CLASP1: variants seen among roughly 807,000 people sequenced by gnomAD.
CLASP1 encodes CLIP-associating protein 1.
Under a neutral mutation model 192.3 loss-of-function variants are expected in CLASP1, and 38 were observed. The observed-to-expected ratio is 0.20, with a 90% confidence interval of 0.15 to 0.26. The LOEUF (loss-of-function observed/expected upper bound fraction) is 0.26, where lower values mean the gene tolerates loss of function less well. Among genes scored for constraint, CLASP1 ranks in the 10% least tolerant of loss-of-function variants. The pLI, the probability that CLASP1 is intolerant of heterozygous loss-of-function variation, is 1.00. For missense variants in CLASP1, 1,433 were observed against 1,932.5 expected (o/e 0.74, Z 4.85); for synonymous variants, 691 against 712.8 (o/e 0.97, Z 0.49).
rs915939996 is a variant in CLASP1 at position 121,435,533 on chromosome 2, CAA to C, written c.1913-5358_1913-5357del. Among the ~76,000 whole-genome samples the C allele has an allele frequency of 1.6e-4, 24 of 152,336 alleles. 1 individual carries two copies. Among genetic ancestry groups the C allele is most frequent in the African/African-American group, 5.8e-4 (24 of 41,576 alleles). On this transcript the variant is annotated intron_variant, in intron 19 of 39. Coordinates refer to ENST00000263710, the Ensembl canonical transcript of CLASP1. ...AGGTGATCTGCCCGCCTCAGCCTCC[CAA>C]AGTGTTGGGATTACAGGCGTGAGCC...
intron 19 of CLASP1, among the ~76,000 whole-genome samples, chr2:121,443,400 G>A (rs1432817427): frequency 1.3e-5 from 2 of 152,106 alleles, no homozygotes; most frequent in African/African-American, 2.4e-5. Context: ...CCCATGTAAT[G>A]TCTTTGCTTT....
At chr2:121,430,160 G>A (rs1417988408) in exon 20 of CLASP1, 6 of 1,568,996 alleles carry the variant, frequency 3.8e-6, no homozygotes, top group Admixed American at 1.9e-5. Context: ...GAGCTTTGCC[G>A]TCTTGTGCGG....
intron 22 of CLASP1, among the ~76,000 whole-genome samples, chr2:121,423,692 G>C (rs1355315625): frequency 6.6e-6 from 1 of 152,126 alleles, no homozygotes; most frequent in Non-Finnish European, 1.5e-5. Context: ...TTCCAGCTGT[G>C]ACCTTTTCTA....
chr2:121,630,887 CAGTGGCTCACG>C (rs1377864923), intron 1 of CLASP1, among the ~76,000 whole-genome samples: 8 of 138,794 alleles, frequency 5.8e-5, no homozygotes, highest in Non-Finnish European at 1.2e-4. Context: ...AGGCCGGGCG[CAGTGGCTCACG>C]CCTGTAATCC....
chr2:121,530,335 G>A lies in CLASP1; in HGVS notation c.196-10C>T, dbSNP rs1324145197. On this transcript the variant is annotated splice_polypyrimidine_tract_variant and intron_variant, in intron 2 of 39. Coordinates refer to ENST00000263710, the Ensembl canonical transcript of CLASP1. Reference sequence around the variant, plus strand: ...TGCCCAGCAGAACCACCTGCAGCGGGAAACACCGGGAGCCTGTTAGCAGCC... The same window carrying A: ...TGCCCAGCAGAACCACCTGCAGCGGAAAACACCGGGAGCCTGTTAGCAGCC... 9 of 1,547,164 alleles carry A rather than the reference G, an allele frequency of 5.8e-6. No homozygotes were observed. Among genetic ancestry groups the A allele is most frequent in the Middle Eastern group, 2.0e-4 (1 of 5,072 alleles).
chr2:121,617,016 T>C (rs569653480), intron 1 of CLASP1, among the ~76,000 whole-genome samples: 2 of 152,274 alleles, frequency 1.3e-5, no homozygotes, highest in East Asian at 3.9e-4. Flanking sequence ...GGAAGGAAGA[T>C]AAAACTGCCT....
intron 23 of CLASP1, among the ~76,000 whole-genome samples, chr2:121,415,124 T>C (rs1244896093): frequency 6.6e-6 from 1 of 152,206 alleles, no homozygotes; most frequent in African/African-American, 2.4e-5. Context: ...AATTTAGCTG[T>C]ATTAAGTTCA....
At chr2:121,543,721 C>T (rs116124811) in intron 2 of CLASP1, among the ~76,000 whole-genome samples, 1 of 152,226 alleles carries the variant, frequency 6.6e-6, no homozygotes, top group African/African-American at 2.4e-5. Flanking sequence ...AAACCCCAAT[C>T]TGAATAGTAC....
chr2:121,549,087 A>C (rs1158058383), intron 2 of CLASP1, among the ~76,000 whole-genome samples: 1 of 152,234 alleles, frequency 6.6e-6, no homozygotes, highest in African/African-American at 2.4e-5. Flanking sequence ...CACATATATA[A>C]AACTAACCTT....
chr2:121,428,695 C>G (rs1367552467), intron 20 of CLASP1, among the ~76,000 whole-genome samples: 1 of 152,204 alleles, frequency 6.6e-6, no homozygotes, highest in Non-Finnish European at 1.5e-5. Flanking sequence ...CATCCCTCAT[C>G]ATGTAAATCC....
intron 2 of CLASP1, among the ~76,000 whole-genome samples, chr2:121,586,522 A>G (rs1199047238): frequency 1.3e-5 from 2 of 152,130 alleles, no homozygotes; most frequent in African/African-American, 2.4e-5. Context: ...AATCCCTATA[A>G]TTCTCTCCAC....
chr2:121,349,226 C>A (rs889237614), intron 37 of CLASP1, among the ~76,000 whole-genome samples: 2 of 150,974 alleles, frequency 1.3e-5, no homozygotes, highest in Non-Finnish European at 2.9e-5. Flanking sequence ...GGTGACAGTG[C>A]AAGACTCTGT....
intron 6 of CLASP1, among the ~76,000 whole-genome samples, chr2:121,518,788 G>C (rs2094389202): frequency 6.6e-6 from 1 of 152,120 alleles, no homozygotes; most frequent in Non-Finnish European, 1.5e-5. Context: ...TGAGGCACAA[G>C]AATCGCTTGA....
At chr2:121,439,317 G>T (rs796164375) in intron 19 of CLASP1, among the ~76,000 whole-genome samples, 1 of 151,500 alleles carries the variant, frequency 6.6e-6, no homozygotes, top group African/African-American at 2.4e-5. Flanking sequence ...TTTTTTGTGT[G>T]TCTATTTCCT....
chr2:121,639,246 C>T (rs2071550900), intron 1 of CLASP1, among the ~76,000 whole-genome samples: 1 of 151,888 alleles, frequency 6.6e-6, no homozygotes, highest in African/African-American at 2.4e-5. Flanking sequence ...CACTGCACTC[C>T]AGCCTGGGCG....
At chr2:121,478,705 CCCACACACACAA>C (rs1453841660) in intron 8 of CLASP1, among the ~76,000 whole-genome samples, 3 of 66,078 alleles carry the variant, frequency 4.5e-5, no homozygotes, top group Non-Finnish European at 6.3e-5. Context: ...ACAACCACAC[CCCACACACACAA>C]CCACACACAC....
At chr2:121,557,145 A>AG (rs2058635907) in intron 2 of CLASP1, among the ~76,000 whole-genome samples, 1 of 152,244 alleles carries the variant, frequency 6.6e-6, no homozygotes, top group Admixed American at 6.5e-5. Context: ...GCCCTGCCCT[A>AG]GGTTTCTACT....
chr2:121,488,070 G>A (rs1282891927), intron 8 of CLASP1, among the ~76,000 whole-genome samples: 1 of 152,002 alleles, frequency 6.6e-6, no homozygotes, highest in African/African-American at 2.4e-5. Context: ...AGATACACTG[G>A]CTCACCTTGC....
chr2:121,484,463 T>C (rs1348463147), intron 8 of CLASP1, among the ~76,000 whole-genome samples: 2 of 152,216 alleles, frequency 1.3e-5, no homozygotes, highest in African/African-American at 4.8e-5. Context: ...CCCTTTGTCC[T>C]GCATGCCAAA....
Sources: gnomAD v4.1 joint callset for allele counts (sites outside exome capture counted in the v4.1 genomes callset) on GRCh38, gnomAD v4.1.1 for gene constraint, MANE v1.5 for transcripts, NCBI Gene and HGNC (gene_info 2026-07-23, HGNC 2026-07-21) for gene names.